Variants in SPTBN1 observed in about 807,000 individuals in gnomAD.
The protein encoded by SPTBN1 is spectrin beta, non-erythrocytic 1, also known as spectrin beta chain, non-erythrocytic 1.
In SPTBN1, 32 loss-of-function variants were observed where a neutral mutation model predicts 266.4. The observed-to-expected ratio is 0.12, with a 90% CI of 0.09 to 0.16. The LOEUF (loss-of-function observed/expected upper bound fraction) is 0.16, where lower values mean the gene tolerates loss of function less well. Ranked by LOEUF, SPTBN1 falls within the 10% of genes least tolerant of loss-of-function variation. SPTBN1 has a pLI of 1.00. For synonymous variants in SPTBN1, 1,336 were observed against 1,162.2 expected (o/e 1.15, Z -3.04); for missense variants, 2,296 against 3,067.1 (o/e 0.75, Z 5.94).
intron 32 of SPTBN1, chr2:54,662,691 GAGA>G (rs1216884131): frequency 6.6e-6 from 1 of 152,176 alleles, no homozygotes; most frequent in Admixed American, 6.5e-5. Context: ...TCTCACACTA[GAGA>G]AGATTTGTCA....
chr2:54,510,762 A>AT (rs1302900048), intron 1 of SPTBN1, among the ~76,000 whole-genome samples: 12 of 152,216 alleles, frequency 7.9e-5, no homozygotes, highest in Non-Finnish European at 2.9e-5. Context: ...CACCAGGGAG[A>AT]TTTTAAAGAA....
At chr2:54,599,337 A>G in intron 3 of SPTBN1, 94 bp downstream of exon 3, 1 of 1,440,782 alleles carries the variant, frequency 6.9e-7, no homozygotes, top group Non-Finnish European at 9.6e-7. Context: ...TTCTGCACTT[A>G]ATGGTTGATA....
At chr2:54,549,864 G>C (rs2104427314) in intron 2 of SPTBN1, among the ~76,000 whole-genome samples, 1 of 152,344 alleles carries the variant, frequency 6.6e-6, no homozygotes, top group South Asian at 2.1e-4. Flanking sequence ...ATCAGTTTGG[G>C]TGTAGCAGAG....
intron 1 of SPTBN1, among the ~76,000 whole-genome samples, chr2:54,522,701 A>AG (rs1558802720): frequency 4.3e-5 from 3 of 70,142 alleles, no homozygotes; most frequent in Non-Finnish European, 9.3e-5. Context: ...GAGAGAGAGA[A>AG]AGAAAGAAAG....
chr2:54,485,763 C>G (rs1199681108), intron 1 of SPTBN1, among the ~76,000 whole-genome samples: 1 of 151,408 alleles, frequency 6.6e-6, no homozygotes, highest in African/African-American at 2.4e-5. Flanking sequence ...TCTTCCCGGC[C>G]GCCATCACAT....
At chr2:54,545,629 A>G (rs1433160462) in intron 2 of SPTBN1, 3 of 152,174 alleles carry the variant, frequency 2.0e-5, no homozygotes, top group Non-Finnish European at 2.9e-5. Context: ...ACAAAAATGG[A>G]TTCAGATGGT....
At chr2:54,605,838 G>C (rs979480780) in intron 3 of SPTBN1, among the ~76,000 whole-genome samples, 1 of 152,138 alleles carries the variant, frequency 6.6e-6, no homozygotes, top group Non-Finnish European at 1.5e-5. Flanking sequence ...TTATTCTGTG[G>C]CTTGCTGGTT....
chr2:54,542,302 G>A (rs1288648693), intron 2 of SPTBN1, among the ~76,000 whole-genome samples: 1 of 152,246 alleles, frequency 6.6e-6, no homozygotes, highest in Non-Finnish European at 1.5e-5. Flanking sequence ...GAACATGCAT[G>A]GCTATGTCGA....
In SPTBN1 at chr2:54,610,373, C is replaced by T. The variant is rs148022516; in HGVS notation, c.301-1788C>T. ...CAAATCATATTAGTCCTTAGGTATGCCTCTCTTATGGCAATCCTGCACTCA... is the reference window on the plus strand; with the variant it reads ...CAAATCATATTAGTCCTTAGGTATGTCTCTCTTATGGCAATCCTGCACTCA... On this transcript the variant is annotated intron_variant, in intron 3 of 35. Coordinates refer to ENST00000356805, the MANE Select transcript of SPTBN1 (RefSeq NM_003128.3). Among the ~76,000 whole-genome samples the T allele has an allele frequency of 1.8e-4, 27 of 152,240 alleles. No individual in the cohort carries two copies. The East Asian group carries it at 4.6e-3, about 26-fold the overall frequency.
intron 28 of SPTBN1, among the ~76,000 whole-genome samples, chr2:54,655,668 G>A (rs1680601356): frequency 6.6e-6 from 1 of 152,216 alleles, no homozygotes; most frequent in African/African-American, 2.4e-5. Context: ...GTTTGCCGCA[G>A]GGAGCCTCCT....
At chr2:54,666,654 G>A (rs1681388417) in intron 34 of SPTBN1, among the ~76,000 whole-genome samples, 1 of 152,224 alleles carries the variant, frequency 6.6e-6, no homozygotes, top group South Asian at 2.1e-4. Context: ...TCCCTACAGA[G>A]TGGAGCTAAG....
intron 2 of SPTBN1, among the ~76,000 whole-genome samples, chr2:54,536,717 T>C (rs559529101): frequency 2.6e-5 from 4 of 152,236 alleles, no homozygotes; most frequent in Non-Finnish European, 4.4e-5. Context: ...AACAAAGATA[T>C]GTGTGTGGTG....
intron 17 of SPTBN1, among the ~76,000 whole-genome samples, chr2:54,634,782 T>A (rs1277084826): frequency 6.6e-6 from 1 of 152,190 alleles, no homozygotes; most frequent in Non-Finnish European, 1.5e-5. Context: ...GGAAGTTTCC[T>A]GAGTTGTTGA....
In SPTBN1 at chr2:54,501,885, C is replaced by T. The variant is rs116644210; in HGVS notation, c.-47-24487C>T. 6.7e-3 allele frequency among the ~76,000 whole-genome samples: 1,026 copies of T among 152,256 alleles called. 16 individuals carry two copies. Among genetic ancestry groups the T allele is most frequent in the African/African-American group, 0.023 (969 of 41,542 alleles). Reference sequence around the variant, plus strand: ...GAGCAACTAGTGTGTATAGAGACTTCGTGAGAAAAGCTCGATCACGTTTTG... The same window carrying T: ...GAGCAACTAGTGTGTATAGAGACTTTGTGAGAAAAGCTCGATCACGTTTTG... On this transcript the variant is annotated intron_variant, in intron 1 of 35. Transcript: ENST00000356805.
chr2:54,649,037 G>A lies in SPTBN1; in HGVS notation c.5049G>A (p.Leu1683=), dbSNP rs1490732055. The A allele has an allele frequency of 6.2e-7, 1 of 1,614,176 alleles. No individual in the cohort carries two copies. The highest frequency in any genetic ancestry group is 1.1e-5 in the South Asian group (1 of 91,076). ...AAGTGGATAAACTGTACGCTGGTCT[G>A]AAAGACCTTGCTGAAGAGAGAAGAG... The part of the protein sequence containing the change: ...QSKVDKLYAG[L]KDLAEERRGK... Residue 1683 remains leucine, a synonymous_variant, in exon 25 of 36, where the codon CTG becomes CTA. Transcript: ENST00000356805. This position sits in a 1 kb window ranked among gnomAD's most constrained non-coding sequence, Gnocchi z 6.7.
chr2:54,458,876 A>G lies in SPTBN1; in HGVS notation c.-48+2358A>G, dbSNP rs532672037. Reference sequence around the variant, plus strand: ...CTGCTTGTATTTTTAAATATTTCTAATGAATCCAAGTTAGTTGCTTTTGAT... The same window carrying G: ...CTGCTTGTATTTTTAAATATTTCTAGTGAATCCAAGTTAGTTGCTTTTGAT... On this transcript the variant is annotated intron_variant, in intron 1 of 35. Transcript: ENST00000356805. 5.3e-5 allele frequency among the ~76,000 whole-genome samples: 8 copies of G among 152,362 alleles called. No individual in the cohort carries two copies. The East Asian group carries it at 1.3e-3, about 26-fold the overall frequency.
In SPTBN1 at chr2:54,637,788, G is replaced by A. The variant is rs1679252698; in HGVS notation, c.3843G>A (p.Leu1281=). Reference sequence around the variant, plus strand: ...ACAACAGGGATCTACAGAAATTCCTGCAAGATTGTCAAGAGGTATGTTACT... The same window carrying A: ...ACAACAGGGATCTACAGAAATTCCTACAAGATTGTCAAGAGGTATGTTACT... ...LKDNRDLQKF[L]QDCQELSLWI... is the part of the protein sequence containing the mutation. Residue 1281 remains leucine, a synonymous_variant, in exon 18 of 36, where the codon CTG becomes CTA. Coordinates refer to ENST00000356805, the MANE Select transcript of SPTBN1 (RefSeq NM_003128.3). 3.1e-6 allele frequency: 5 copies of A among 1,613,574 alleles called. No individual in the cohort carries two copies. The South Asian group carries it at 5.5e-5, about 18-fold the overall frequency.
At chr2:54,589,844 AGCTAAG>A (rs1340601714) in intron 2 of SPTBN1, among the ~76,000 whole-genome samples, 4 of 152,290 alleles carry the variant, frequency 2.6e-5, no homozygotes, top group African/African-American at 9.6e-5. Context: ...TATTTTTTCA[AGCTAAG>A]GCATATAGGG....
chr2:54,575,372 T>C (rs558806817), intron 2 of SPTBN1, among the ~76,000 whole-genome samples: 1 of 152,364 alleles, frequency 6.6e-6, no homozygotes, highest in Non-Finnish European at 1.5e-5. Flanking sequence ...GCTTTTGCTA[T>C]TGATGAGTAA....
Sources: gnomAD v4.1 joint callset for allele counts (sites outside exome capture counted in the v4.1 genomes callset) on GRCh38, gnomAD v4.1.1 for gene constraint, Gnocchi (gnomAD v3.1) non-coding constraint, MANE v1.5 for transcripts, NCBI Gene and HGNC (gene_info 2026-07-23, HGNC 2026-07-21) for gene names.